Variants in PTPRD observed in about 807,000 individuals in gnomAD.
PTPRD encodes receptor-type tyrosine-protein phosphatase delta.
In PTPRD, 34 loss-of-function variants were observed where a neutral mutation model predicts 214.5. The ratio of observed to expected loss-of-function variants is 0.16; its 90% confidence interval spans 0.12 to 0.21. The LOEUF is 0.21. PTPRD is among the 10% of genes least tolerant of loss of function. PTPRD has a pLI of 1.00. For synonymous variants in PTPRD, 1,128 were observed against 845.7 expected, an observed-to-expected ratio of 1.33 and a Z score of -5.79; for missense variants, 2,545 against 2,398.7, an observed-to-expected ratio of 1.06 and a Z score of -1.27.
At chr9:9,188,569 G>A (rs762301438) in intron 9 of PTPRD, among the ~76,000 whole-genome samples, 61 of 152,168 alleles carry the variant, frequency 4.0e-4, no homozygotes, top group Non-Finnish European at 7.5e-4. Flanking sequence ...AGTGAAAGAG[G>A]AGAGAGGGAG....
intron 11 of PTPRD, among the ~76,000 whole-genome samples, chr9:8,795,089 G>A (rs765804745): frequency 7.2e-5 from 11 of 152,012 alleles, no homozygotes; most frequent in Non-Finnish European, 1.6e-4. Flanking sequence ...ATTTAAAGGC[G>A]TCATTTTAAT....
At chr9:10,048,769 T>C (rs1441621772) in intron 3 of PTPRD, among the ~76,000 whole-genome samples, 1 of 152,054 alleles carries the variant, frequency 6.6e-6, no homozygotes, top group Non-Finnish European at 1.5e-5. Context: ...ACTCCCACCC[T>C]TCCCCAAAAC....
At chr9:10,042,231 T>C (rs1489635270) in intron 3 of PTPRD, among the ~76,000 whole-genome samples, 4 of 151,998 alleles carry the variant, frequency 2.6e-5, no homozygotes, top group Admixed American at 6.6e-5. Context: ...GTCATTTCTC[T>C]ATGTGTAATT....
At chr9:8,925,767 C>T (rs2098880356) in intron 11 of PTPRD, among the ~76,000 whole-genome samples, 1 of 151,640 alleles carries the variant, frequency 6.6e-6, no homozygotes, top group East Asian at 1.9e-4. Context: ...TCCTTTCTCC[C>T]CCTGACACTC....
At chr9:9,438,638 G>A (rs1033578660) in intron 8 of PTPRD, among the ~76,000 whole-genome samples, 2 of 152,098 alleles carry the variant, frequency 1.3e-5, no homozygotes, top group African/African-American at 2.4e-5. Context: ...TTATCAAAAT[G>A]ATTGCTAATT....
At chr9:10,096,444 G>C (rs1435115511) in intron 3 of PTPRD, among the ~76,000 whole-genome samples, 1 of 151,922 alleles carries the variant, frequency 6.6e-6, no homozygotes, top group Admixed American at 6.6e-5. Context: ...ACTGGCGTGA[G>C]ATGGTATCTC....
rs2138595821 is a variant in PTPRD at position 8,518,409 on chromosome 9, T to A, written c.982A>T (p.Thr328Ser). ...TVKALPKPPG[T>S]PVVTESTATS... ...GCTGTGCTCTCGGTCACTACAGGAGTTCCTGGAGGTTTGGGTAAGGCTTGG... is the reference window on the plus strand; with the variant it reads ...GCTGTGCTCTCGGTCACTACAGGAGATCCTGGAGGTTTGGGTAAGGCTTGG... Residue 328 changes from threonine to serine, a missense_variant, in exon 21 of 46, where the codon ACT becomes TCT. Coordinates refer to ENST00000381196, the MANE Select transcript of PTPRD (RefSeq NM_002839.4). The A allele has an allele frequency of 6.2e-7, 1 of 1,604,338 alleles. No individual in the cohort carries two copies. The highest frequency in any genetic ancestry group is 8.5e-7 in the Non-Finnish European group (1 of 1,175,730).
intron 11 of PTPRD, among the ~76,000 whole-genome samples, chr9:8,734,953 G>A (rs1249997821): frequency 6.6e-6 from 1 of 152,128 alleles, no homozygotes; most frequent in African/African-American, 2.4e-5. Context: ...AGGCAGGGCA[G>A]TGGGAAAGGA....
chr9:8,712,119 GGGGA>G (rs2154405810), intron 12 of PTPRD, among the ~76,000 whole-genome samples: 1 of 152,296 alleles, frequency 6.6e-6, no homozygotes, highest in East Asian at 1.9e-4. Context: ...CCAAGAAGTA[GGGGA>G]GGGAGGGAGA....
chr9:9,650,265 C>A (rs937356210), intron 7 of PTPRD, among the ~76,000 whole-genome samples: 1 of 152,168 alleles, frequency 6.6e-6, no homozygotes, highest in African/African-American at 2.4e-5. Flanking sequence ...GCCTCCCCAG[C>A]CATGCAGAAC....
chr9:10,428,319 A>G (rs1183672704), intron 2 of PTPRD, among the ~76,000 whole-genome samples: 5 of 152,082 alleles, frequency 3.3e-5, no homozygotes, highest in African/African-American at 1.2e-4. Context: ...GGGAAAAAAA[A>G]TCATATTGCA....
chr9:10,091,928 GA>G (rs1349307718), intron 3 of PTPRD, among the ~76,000 whole-genome samples: 1 of 151,310 alleles, frequency 6.6e-6, no homozygotes, highest in East Asian at 1.9e-4. Context: ...GACTCCAGAT[GA>G]CCTCGGCTTC....
chr9:9,366,841 T>C (rs1244364018), intron 9 of PTPRD, among the ~76,000 whole-genome samples: 7 of 150,824 alleles, frequency 4.6e-5, no homozygotes, highest in Non-Finnish European at 8.9e-5. Context: ...TACATTAAGG[T>C]AAAAAAAAGG....
chr9:8,415,372 G>A (rs967504861), intron 35 of PTPRD, among the ~76,000 whole-genome samples: 4 of 152,164 alleles, frequency 2.6e-5, no homozygotes, highest in African/African-American at 9.7e-5. Context: ...ATTCAATTGT[G>A]ATTGGATATG....
chr9:10,044,643 T>C (rs1169210233), intron 3 of PTPRD, among the ~76,000 whole-genome samples: 1 of 151,770 alleles, frequency 6.6e-6, no homozygotes, highest in Non-Finnish European at 1.5e-5. Context: ...ATCATTAATA[T>C]CATACACAAT....
chr9:9,145,573 C>A (rs1271274229), intron 10 of PTPRD, among the ~76,000 whole-genome samples: 3 of 151,936 alleles, frequency 2.0e-5, no homozygotes, highest in Non-Finnish European at 4.4e-5. Context: ...CACCCCCAAC[C>A]CGAATTTTAA....
intron 10 of PTPRD, among the ~76,000 whole-genome samples, chr9:9,072,315 A>T: frequency 6.6e-6 from 1 of 151,578 alleles, no homozygotes; most frequent in East Asian, 1.9e-4. Flanking sequence ...ACACACACAC[A>T]CACACACTCC....
chr9:10,242,379 T>C (rs1379529319), intron 3 of PTPRD, among the ~76,000 whole-genome samples: 2 of 151,964 alleles, frequency 1.3e-5, no homozygotes, highest in Non-Finnish European at 2.9e-5. Context: ...AAAAGAGAGA[T>C]TAGAATAGGG....
At chr9:9,906,562 G>A (rs1317176028) in intron 5 of PTPRD, among the ~76,000 whole-genome samples, 1 of 151,892 alleles carries the variant, frequency 6.6e-6, no homozygotes, top group Non-Finnish European at 1.5e-5. Flanking sequence ...GTTAGTTGAA[G>A]ACAGACATTC....
Sources: allele counts gnomAD v4.1 joint callset (sites outside exome capture counted in the v4.1 genomes callset), GRCh38; gene constraint gnomAD v4.1.1; transcripts MANE v1.5; gene names NCBI Gene and HGNC (gene_info 2026-07-23, HGNC 2026-07-21).